Variants in SAG observed in about 807,000 individuals in gnomAD.
SAG encodes the protein S-antigen visual arrestin.
Under a neutral mutation model 55.0 loss-of-function variants are expected in SAG, and 45 were observed. The observed-to-expected ratio is 0.82, with a 90% CI of 0.64 to 1.05. The LOEUF is 1.05. SAG is among the 50% of genes least tolerant of loss of function. The probability of loss-of-function intolerance (pLI) is 0.00; values close to 1 mark genes in which losing one functional copy is unlikely to be tolerated. For synonymous variants in SAG, 189 were observed against 197.4 expected (o/e 0.96, Z 0.36); for missense variants, 455 against 512.1 (o/e 0.89, Z 1.08).
chr2:233,318,758 C>G lies in SAG; in HGVS notation c.144C>G (p.Val48=). ...HVSQVQPVDG[V]VLVDPDLVKG... is the part of the protein sequence containing the mutation. ...CTCCCTCTTTTGCCTTAGATGGTGT[C>G]GTGTTGGTTGATCCTGATCTTGTGA... The change falls in exon 4 of 16, where the codon GTC becomes GTG. Residue 48 remains valine, a synonymous_variant. Coordinates refer to ENST00000409110, the MANE Select transcript of SAG (RefSeq NM_000541.5). The G allele has an allele frequency of 6.2e-7, 1 of 1,613,730 alleles. No individual in the cohort carries two copies. Among genetic ancestry groups the G allele is most frequent in the Non-Finnish European group, 8.5e-7 (1 of 1,179,676 alleles).
intron 14 of SAG, 135 bp from the exon 15 acceptor site, chr2:233,346,268 T>A: frequency 1.1e-6 from 1 of 900,112 alleles, no homozygotes; most frequent in Middle Eastern, 2.2e-4. Flanking sequence ...ACTGCATGTA[T>A]CTAGGCCTTA....
At chr2:233,345,406 G>T (rs1249885304) in intron 14 of SAG, 1 of 152,172 alleles carries the variant, frequency 6.6e-6, no homozygotes, top group Non-Finnish European at 1.5e-5. Context: ...GCACCCTGGC[G>T]ACCCTGACCT....
At position 233,327,261 on chromosome 2, in the gene SAG, C is replaced by T; in HGVS notation, c.512+64C>T. ...TGGGGGTGGAGAGAAGAGACGACCT[C>T]CACCTTGTCTCTGTGGGACAGACCT... is the stretch of plus-strand genomic sequence containing the variant. On this transcript the variant is annotated intron_variant, in intron 7 of 15. Coordinates refer to ENST00000409110, the MANE Select transcript of SAG (RefSeq NM_000541.5). 3 of 1,334,152 alleles carry T rather than the reference C, an allele frequency of 2.2e-6. No homozygotes were observed. In the South Asian group the frequency reaches 3.5e-5, roughly 16 times the overall value. The allele number at this position is 1,334,152 out of a possible 1,614,324, so 82.6% of individuals were successfully genotyped here.
intron 6 of SAG, among the ~76,000 whole-genome samples, chr2:233,326,606 C>T (rs1055959355): frequency 2.7e-5 from 4 of 148,386 alleles, no homozygotes; most frequent in South Asian, 2.2e-4. Context: ...AAAAAAAAAT[C>T]GTGCTGCCCG....
intron 10 of SAG, 176 bp downstream of exon 10, chr2:233,331,888 T>A (rs1700777828): frequency 3.2e-6 from 2 of 633,728 alleles, no homozygotes; most frequent in Non-Finnish European, 5.7e-6. Flanking sequence ...GCTCTGCATC[T>A]ACCACACCCC....
intron 2 of SAG, among the ~76,000 whole-genome samples, chr2:233,314,253 C>T (rs1700159078): frequency 2.0e-5 from 3 of 152,072 alleles, no homozygotes; most frequent in East Asian, 3.9e-4. Context: ...GAAAGAGCTC[C>T]ATGCGCCACA....
At chr2:233,333,343 G>A (rs183122100) in intron 10 of SAG, 1 of 152,350 alleles carries the variant, frequency 6.6e-6, no homozygotes, top group African/African-American at 2.4e-5. Flanking sequence ...TCCTGGCTGA[G>A]TTTTCCCCTA....
chr2:233,345,279 G>T (rs1003897610), intron 14 of SAG: 3 of 152,240 alleles, frequency 2.0e-5, no homozygotes, highest in African/African-American at 7.2e-5. Context: ...TGCGGCTGGG[G>T]GTTGGTCCTC....
rs1441627551 is a variant in SAG at position 233,314,630 on chromosome 2, C to T, written c.76-1445C>T. The stretch of plus-strand genomic sequence containing the variant: ...CCCGCTGCTCACAGGTGCCAGGCTT[C>T]CACACCACCCAGGCTAGTGAGGCCT... On this transcript the variant is annotated intron_variant, in intron 2 of 15. Transcript: ENST00000409110. 2.6e-5 allele frequency among the ~76,000 whole-genome samples: 4 copies of T among 152,208 alleles called. No individual in the cohort carries two copies. The South Asian group carries it at 8.3e-4, about 32-fold the overall frequency.
At position 233,328,540 on chromosome 2, in the gene SAG, C is replaced by T. The variant is rs767408754; in HGVS notation, c.575C>T (p.Pro192Leu). ...QHAPLEMGPQ[P>L]RAEAAWQFFM... is the part of the protein sequence containing the mutation. ...GCCCCACTTGAGATGGGTCCCCAGCCCCGAGCTGAGGCGGCCTGGCAGTTC... is the reference window on the plus strand; with the variant it reads ...GCCCCACTTGAGATGGGTCCCCAGCTCCGAGCTGAGGCGGCCTGGCAGTTC... Residue 192 changes from proline (P) to leucine (L), a missense_variant, in exon 8 of 16, where the codon CCC (proline) becomes CTC (leucine). Transcript: ENST00000409110. 176 of 1,613,840 alleles carry T rather than the reference C, an allele frequency of 1.1e-4. No homozygotes were observed. Among genetic ancestry groups the T allele is most frequent in the Non-Finnish European group, 1.5e-4 (172 of 1,179,850 alleles).
At chr2:233,334,538 C>T (rs1700864307) in intron 10 of SAG, 1 of 167,046 alleles carries the variant, frequency 6.0e-6, no homozygotes, top group African/African-American at 2.4e-5. Context: ...CACAGTCACA[C>T]TGTGACCCCC....
intron 11 of SAG, among the ~76,000 whole-genome samples, chr2:233,336,145 G>T (rs574759271): frequency 1.3e-5 from 2 of 152,204 alleles, no homozygotes; most frequent in African/African-American, 4.8e-5. Context: ...ATTCAAGGGC[G>T]TAGGGATCGT....
rs549784842 is a variant in SAG at position 233,314,200 on chromosome 2, C to T, written c.76-1875C>T. Among the ~76,000 whole-genome samples the T allele has an allele frequency of 2.5e-3, 365 of 148,338 alleles. 3 individuals carry two copies. Among genetic ancestry groups the T allele is most frequent in the African/African-American group, 8.6e-3 (341 of 39,438 alleles). Reference sequence around the variant, plus strand: ...TAGTGCCACTGCACTCCAGCCTGGGCGACAGAATGAGACCTTGTCTCAAAA... The same window carrying T: ...TAGTGCCACTGCACTCCAGCCTGGGTGACAGAATGAGACCTTGTCTCAAAA... On this transcript the variant is annotated intron_variant, in intron 2 of 15. Coordinates refer to ENST00000409110, the MANE Select transcript of SAG (RefSeq NM_000541.5).
At position 233,340,432 on chromosome 2, in the gene SAG, A is replaced by G. The variant is rs1308207661; in HGVS notation, c.1023-23A>G. Reference sequence around the variant, plus strand: ...TGTTACCACTGTGACAGTTAACGACAGGCGTTTGTTTGTGTTTTCTAGCTT... The same window carrying G: ...TGTTACCACTGTGACAGTTAACGACGGGCGTTTGTTTGTGTTTTCTAGCTT... On this transcript the variant is annotated intron_variant, in intron 12 of 15. Coordinates refer to ENST00000409110, the MANE Select transcript of SAG (RefSeq NM_000541.5). This position sits in a 1 kb window ranked among gnomAD's most constrained non-coding sequence, Gnocchi z 4.2. The G allele has an allele frequency of 2.5e-6, 4 of 1,608,346 alleles. No homozygotes were observed. The highest frequency in any genetic ancestry group is 3.4e-6 in the Non-Finnish European group (4 of 1,176,580).
intron 9 of SAG, 130 bp from the exon 10 acceptor site, chr2:233,331,510 C>G (rs1014000499): frequency 1.4e-6 from 1 of 720,042 alleles, no homozygotes; most frequent in Non-Finnish European, 2.5e-6. Flanking sequence ...GCTGAGAAAG[C>G]CTAGCCTTGG....
chr2:233,332,501 T>C (rs1214386035), intron 10 of SAG: 1 of 152,172 alleles, frequency 6.6e-6, no homozygotes, highest in Non-Finnish European at 1.5e-5. Context: ...AATAGATAGA[T>C]TTTTTTGAGA....
rs1700288939 is a variant in SAG at position 233,318,806 on chromosome 2, G to GC, written c.181+15dup. The GC allele has an allele frequency of 6.2e-7, 1 of 1,612,704 alleles. No individual in the cohort carries two copies. The highest frequency in any genetic ancestry group is 1.3e-5 in the African/African-American group (1 of 74,894). ...TGAAGGGAAAGAAAGGTGAGATGAA[G>GC]CCCCTTGTCTCAGGCTGGTTTCTGG... On this transcript the variant is annotated intron_variant, in intron 4 of 15. Coordinates refer to ENST00000409110, the MANE Select transcript of SAG (RefSeq NM_000541.5).
intron 11 of SAG, among the ~76,000 whole-genome samples, chr2:233,336,232 C>T (rs914863514): frequency 2.6e-5 from 4 of 152,050 alleles, no homozygotes; most frequent in African/African-American, 4.8e-5. Context: ...ATGTACGACT[C>T]GGCCGGCCAT....
At position 233,319,514 on chromosome 2, in the gene SAG, A is replaced by T; in HGVS notation, c.181+719A>T. 1 of 865,898 alleles carries T rather than the reference A, an allele frequency of 1.2e-6. No individual in the cohort carries two copies. The highest frequency in any genetic ancestry group is 1.4e-6 in the Non-Finnish European group (1 of 718,522). The allele number at this position is 865,898 out of a possible 1,614,324, so 53.6% of individuals were successfully genotyped here. On this transcript the variant is annotated intron_variant, in intron 4 of 15. Coordinates refer to ENST00000409110, the MANE Select transcript of SAG (RefSeq NM_000541.5). This position sits in a 1 kb window ranked among gnomAD's most constrained non-coding sequence, Gnocchi z 4.4. The stretch of plus-strand genomic sequence containing the variant: ...TAAATATGCCTTTTTGAGTGTTGCT[A>T]CTGGCAACATCAAGGAATTGTTCAG...
Sources: allele counts gnomAD v4.1 joint callset (sites outside exome capture counted in the v4.1 genomes callset), GRCh38; gene constraint gnomAD v4.1.1; non-coding constraint Gnocchi (gnomAD v3.1); transcripts MANE v1.5; gene names NCBI Gene and HGNC (gene_info 2026-07-23, HGNC 2026-07-21).